Variants in GAS6 observed in about 807,000 individuals in gnomAD.
The protein encoded by GAS6 is growth arrest specific 6.
Under a neutral mutation model 75.8 loss-of-function variants are expected in GAS6, and 41 were observed. That is an observed-to-expected ratio of 0.54 (90% confidence interval 0.42 to 0.70). The LOEUF is 0.70. GAS6 is among the 30% of genes least tolerant of loss of function. The probability of loss-of-function intolerance (pLI) is 0.00; values close to 1 mark genes in which losing one functional copy is unlikely to be tolerated. For synonymous variants in GAS6, 432 were observed against 412.6 expected (o/e 1.05, Z -0.57); for missense variants, 854 against 940.2 (o/e 0.91, Z 1.20).
In GAS6 at chr13:113,820,954, G is replaced by A. The variant is rs1312832196; in HGVS notation, c.1947C>T (p.Asn649=). 1 of 1,612,720 alleles carries A rather than the reference G, an allele frequency of 6.2e-7. No individual in the cohort carries two copies. Among genetic ancestry groups the A allele is most frequent in the South Asian group, 1.1e-5 (1 of 91,080 alleles). The change falls in exon 15 of 15, where the codon AAC becomes AAT. Residue 649 remains asparagine (N), a synonymous_variant. Coordinates refer to ENST00000327773, the MANE Select transcript of GAS6 (RefSeq NM_000820.4). ...FYRGCMTLEV[N]RRLLDLDEAA... ...CCTCGTCCAGGTCCAGCAGCCTCCG[G>A]TTGACCTCCAGTGTCATGCAGCCGC...
rs1348873829 is a variant in GAS6 at position 113,832,496 on chromosome 13, C to A, written c.954-8G>T. 6.3e-7 allele frequency: 1 copy of A among 1,595,352 alleles called. No individual in the cohort carries two copies. The highest frequency in any genetic ancestry group is 2.2e-5 in the East Asian group (1 of 44,584). ...TCAAACTCAGCTACCAGCCTGGGCA[C>A]CCACAGGAGAAATGAGTCAGCACTG... On this transcript the variant is annotated splice_polypyrimidine_tract_variant and splice_region_variant and intron_variant, in intron 9 of 14. Transcript: ENST00000327773.
In GAS6 at chr13:113,826,590, G is replaced by A. The variant is rs542052791; in HGVS notation, c.1477+406C>T. Among the ~76,000 whole-genome samples, 272 of 87,788 alleles carry A rather than the reference G, an allele frequency of 3.1e-3. 3 individuals carry two copies. Among genetic ancestry groups the A allele is most frequent in the Non-Finnish European group, 4.9e-3 (222 of 45,344 alleles). The allele number at this position is 87,788 out of a possible 152,430, so 57.6% of individuals were successfully genotyped here. ...CGGCCTCCCGGCGCTGGCCTCGCAG[G>A]CACCTTCTCTCCCCGGCCTCCCGGC... On this transcript the variant is annotated intron_variant, in intron 12 of 14. Transcript: ENST00000327773.
At position 113,828,674 on chromosome 13, in the gene GAS6, TTGA is replaced by T; in HGVS notation, c.1178_1180del (p.Ile393del). The T allele has an allele frequency of 6.2e-7, 1 of 1,613,516 alleles. No individual in the cohort carries two copies. The highest frequency in any genetic ancestry group is 8.5e-7 in the Non-Finnish European group (1 of 1,179,974). ...TTTCATGACAGCATCCCTGTTGACC[TTGA>T]TGACCAGATTCCGCGCCAGCTCCTC... is the stretch of plus-strand genomic sequence containing the variant. On this transcript the variant is annotated inframe_deletion, in exon 11 of 15. Transcript: ENST00000327773.
Position 113,820,640 on chromosome 13 carries a change from G to C in GAS6, c.*224C>G. On this transcript the variant is annotated 3_prime_UTR_variant, in exon 15 of 15. Transcript: ENST00000327773. ...AAAATAATAGAGAATTATTTTCTTC[G>C]AGCCCGCTCTGCGCTGCGCCGGCCT... 2.0e-6 allele frequency: 1 copy of C among 497,090 alleles called. No individual in the cohort carries two copies. Among genetic ancestry groups the C allele is most frequent in the Admixed American group, 3.3e-5 (1 of 30,712 alleles). The allele number at this position is 497,090 out of a possible 1,614,324, so 30.8% of individuals were successfully genotyped here.
chr13:113,823,508 A>G lies in GAS6; in HGVS notation c.1520T>C (p.Val507Ala), dbSNP rs1594187117. 1 of 1,612,666 alleles carries G rather than the reference A, an allele frequency of 6.2e-7. No homozygotes were observed. Among genetic ancestry groups the G allele is most frequent in the East Asian group, 2.2e-5 (1 of 44,872 alleles). ...LDVGTESTWEVEVVAHIRPAA... is the reference protein window; with the variant it reads ...LDVGTESTWEAEVVAHIRPAA... ...TGGGCGGATGTGAGCCACGACTTCT[A>G]CTTCCCAGGTTGATTCAGTCCCGAC... The change falls in exon 13 of 15, where the codon GTA becomes GCA. Residue 507 changes from valine to alanine, a missense_variant. Val to Ala is a moderately conservative substitution (Grantham distance 64). Transcript: ENST00000327773.
chr13:113,835,577 G>T lies in GAS6; in HGVS notation c.648C>A (p.Pro216=), dbSNP rs202071382. 8 of 1,612,574 alleles carry T rather than the reference G, an allele frequency of 5.0e-6. No individual in the cohort carries two copies. Among genetic ancestry groups the T allele is most frequent in the Non-Finnish European group, 6.8e-6 (8 of 1,179,898 alleles). ...CGTCACAGAGGCAGGAGTAGGAGCC[G>T]GGCAGGTTCTTGCAGCGCGCCTCCC... is the stretch of plus-strand genomic sequence containing the variant. The part of the protein sequence containing the change: ...ACGEARCKNL[P]GSYSCLCDEG... Residue 216 remains proline (P), a synonymous_variant, in exon 7 of 15, where the codon CCC becomes CCA. Coordinates refer to ENST00000327773, the MANE Select transcript of GAS6 (RefSeq NM_000820.4).
chr13:113,824,956 C>T (rs1476403403), intron 12 of GAS6, among the ~76,000 whole-genome samples: 1 of 152,122 alleles, frequency 6.6e-6, no homozygotes, highest in Non-Finnish European at 1.5e-5. Context: ...TGGTGGCTCA[C>T]GCCTGTAATC....
chr13:113,855,005 C>T (rs978881865), intron 2 of GAS6, among the ~76,000 whole-genome samples: 7 of 152,236 alleles, frequency 4.6e-5, no homozygotes, highest in African/African-American at 1.2e-4. Context: ...GCCTCGTGCC[C>T]GCAACAGCTG....
chr13:113,826,117 A>G (rs1431916070), intron 12 of GAS6, among the ~76,000 whole-genome samples: 1 of 152,130 alleles, frequency 6.6e-6, no homozygotes, highest in Non-Finnish European at 1.5e-5. Context: ...CGGAGCCTGC[A>G]CTGGGGAGGG....
chr13:113,824,724 G>C (rs7399367), intron 12 of GAS6, among the ~76,000 whole-genome samples: 52,728 of 151,592 alleles, frequency 0.35, 10,329 homozygotes, highest in South Asian at 0.56. Flanking sequence ...GTGTACGCCT[G>C]AAACCCACAT....
chr13:113,827,206 A>C (rs1259798469), intron 11 of GAS6, 42 bp from the exon 12 acceptor site: 1 of 1,600,144 alleles, frequency 6.2e-7, no homozygotes, highest in African/African-American at 1.3e-5. Flanking sequence ...TGGGAGCGAG[A>C]AGCCCCATGC....
intron 2 of GAS6, among the ~76,000 whole-genome samples, chr13:113,862,949 C>T (rs774236804): frequency 1.3e-4 from 20 of 152,110 alleles, no homozygotes; most frequent in Non-Finnish European, 1.8e-4. Flanking sequence ...CTGCGGGAGG[C>T]GGCCCCGGGC....
In GAS6 at chr13:113,826,757, G is replaced by A. The variant is rs538584539; in HGVS notation, c.1477+239C>T. Among the ~76,000 whole-genome samples, 746 of 151,922 alleles carry A rather than the reference G, an allele frequency of 4.9e-3. 23 individuals are homozygous for A. Among genetic ancestry groups the A allele is most frequent in the Admixed American group, 8.3e-3 (127 of 15,258 alleles). On this transcript the variant is annotated intron_variant, in intron 12 of 14. Transcript: ENST00000327773. ...CACTGGCTTCGCAGGCACCTTCTCG[G>A]CACATCTCTCTCATTTCTTCTTCAC...
At position 113,820,728 on chromosome 13, in the gene GAS6, TAC is replaced by T; in HGVS notation, c.*134_*135del. 9.5e-7 allele frequency: 1 copy of T among 1,052,500 alleles called. No homozygotes were observed. The highest frequency in any genetic ancestry group is 1.3e-6 in the Non-Finnish European group (1 of 748,930). The allele number at this position is 1,052,500 out of a possible 1,614,324, so 65.2% of individuals were successfully genotyped here. ...GAGGCCCCAAGTCCATCTCACTATTTACAGATATGTTACAGGCCGGGATGGTC... is the reference window on the plus strand; with the variant it reads ...GAGGCCCCAAGTCCATCTCACTATTTAGATATGTTACAGGCCGGGATGGTC... On this transcript the variant is annotated 3_prime_UTR_variant, in exon 15 of 15. Transcript: ENST00000327773.
In GAS6 at chr13:113,835,939, T is replaced by A. The variant is rs935609507; in HGVS notation, c.590-304A>T. Reference sequence around the variant, plus strand: ...GGCGGTGCACGCTGTGCTGTTCCATTTAAATGACGGTGCTACAGGACACGG... The same window carrying A: ...GGCGGTGCACGCTGTGCTGTTCCATATAAATGACGGTGCTACAGGACACGG... On this transcript the variant is annotated intron_variant, in intron 6 of 14. Coordinates refer to ENST00000327773, the MANE Select transcript of GAS6 (RefSeq NM_000820.4). The A allele has an allele frequency of 2.8e-5, 33 of 1,169,912 alleles. No homozygotes were observed. In the African/African-American group the frequency reaches 4.8e-4, roughly 17 times the overall value. The allele number at this position is 1,169,912 out of a possible 1,614,324, so 72.5% of individuals were successfully genotyped here.
intron 2 of GAS6, among the ~76,000 whole-genome samples, chr13:113,853,184 G>T (rs2051889534): frequency 6.6e-6 from 1 of 152,248 alleles, no homozygotes; most frequent in Non-Finnish European, 1.5e-5. Context: ...TGGGCCCAAA[G>T]TGCACTGAAC....
chr13:113,852,122 A>G (rs538615879), intron 2 of GAS6, among the ~76,000 whole-genome samples: 1 of 152,392 alleles, frequency 6.6e-6, no homozygotes, highest in Admixed American at 6.5e-5. Context: ...TGAGTGGCCC[A>G]GGATGGCCAT....
rs780296101 is a variant in GAS6, at chr13:113,828,673, C to A, written c.1182G>T (p.Lys394Asn). The A allele has an allele frequency of 8.1e-6, 13 of 1,613,458 alleles. No homozygotes were observed. In the South Asian group the frequency reaches 1.3e-4, roughly 16 times the overall value. ...TTTTCATGACAGCATCCCTGTTGAC[C>A]TTGATGACCAGATTCCGCGCCAGCT... ...VEELARNLVIKVNRDAVMKIA... is the reference protein window; with the variant it reads ...VEELARNLVINVNRDAVMKIA... The change falls in exon 11 of 15, where the codon AAG becomes AAT. Residue 394 changes from lysine to asparagine, a missense_variant. Transcript: ENST00000327773.
intron 2 of GAS6, among the ~76,000 whole-genome samples, chr13:113,855,931 A>C (rs2051910772): frequency 6.6e-6 from 1 of 152,202 alleles, no homozygotes; most frequent in South Asian, 2.1e-4. Flanking sequence ...CTTAAAGGTC[A>C]CTTGGACTCC....
Sources: allele counts gnomAD v4.1 joint callset (sites outside exome capture counted in the v4.1 genomes callset), GRCh38; gene constraint gnomAD v4.1.1; transcripts MANE v1.5; gene names NCBI Gene and HGNC (gene_info 2026-07-23, HGNC 2026-07-21).